The following ELN variants were observed in gnomAD, a reference collection of about 807,000 sequenced individuals.
The protein encoded by ELN is elastin.
A neutral mutation model predicts 105.8 loss-of-function variants in ELN; 65 were observed. That is an observed-to-expected ratio of 0.61 (90% confidence interval 0.50 to 0.75). The LOEUF (loss-of-function observed/expected upper bound fraction) is 0.75. Among genes scored for constraint, ELN ranks in the 30% least tolerant of loss-of-function variants. The pLI is 0.00. For missense variants in ELN, 882 were observed against 969.4 expected (o/e 0.91, Z 1.20); for synonymous variants, 368 against 389.2 (o/e 0.95, Z 0.64).
At chr7:74,051,421 G>GGA (rs1463547783) in intron 15 of ELN, among the ~76,000 whole-genome samples, 1 of 152,242 alleles carries the variant, frequency 6.6e-6, no homozygotes, top group African/African-American at 2.4e-5. Flanking sequence ...CGGAACACAG[G>GGA]GAGAGGAAGT....
intron 22 of ELN, among the ~76,000 whole-genome samples, chr7:74,058,278 T>C (rs990845038): frequency 3.4e-3 from 38 of 11,052 alleles, no homozygotes; most frequent in African/African-American, 0.02. Flanking sequence ...CTTCTTCTTC[T>C]TCCTCTGCTT....
At chr7:74,050,495 A>G (rs1793790072) in intron 15 of ELN, among the ~76,000 whole-genome samples, 1 of 150,700 alleles carries the variant, frequency 6.6e-6, no homozygotes, top group Admixed American at 6.6e-5. Flanking sequence ...TCTTCCGTGC[A>G]TCCCTCCATC....
At position 74,053,231 on chromosome 7, in the gene ELN, G is replaced by A. The variant is rs1794489813; in HGVS notation, c.1018G>A (p.Gly340Ser). The change falls in exon 18 of 33, where the codon GGC becomes AGC. Residue 340 changes from glycine (G) to serine (S), a missense_variant. Transcript: ENST00000252034. ...GGGAGTAGTTGGTGTCCCAGGAGCT[G>A]GCGTTCCAGGTGTTGGTGTCCCAGG... ...GPGVVGVPGAGVPGVGVPGAG... is the reference protein window; with the variant it reads ...GPGVVGVPGASVPGVGVPGAG... 1.2e-6 allele frequency: 2 copies of A among 1,614,144 alleles called. No individual in the cohort carries two copies. The highest frequency in any genetic ancestry group is 1.6e-4 in the Middle Eastern group (1 of 6,062).
chr7:74,033,711 G>A (rs1404201949), intron 1 of ELN, among the ~76,000 whole-genome samples: 5 of 152,222 alleles, frequency 3.3e-5, no homozygotes, highest in African/African-American at 4.8e-5. Context: ...AAGCCCAGCT[G>A]TGCAGCGTCG....
chr7:74,050,186 T>TATCC (rs202068243), intron 15 of ELN, among the ~76,000 whole-genome samples: 8 of 114,754 alleles, frequency 7.0e-5, no homozygotes, highest in Middle Eastern at 8.2e-3. Context: ...CTCACCCATC[T>TATCC]ATCCATCCAT....
In ELN at chr7:74,060,427, G is replaced by A. The variant is rs1554683543; in HGVS notation, c.1673G>A (p.Gly558Asp). Residue 558 changes from glycine to aspartate, a missense_variant, in exon 25 of 33, where the codon GGC (glycine) becomes GAC (aspartate). Coordinates refer to ENST00000252034, the MANE Select transcript of ELN (RefSeq NM_000501.4). ...AGIPGLGVGV[G>D]VPGLGVGAGV... ...ATCCCTGGACTTGGAGTTGGTGTCG[G>A]CGTCCCTGGACTTGGAGTTGGTGCT... 6.2e-7 allele frequency: 1 copy of A among 1,614,182 alleles called. No individual in the cohort carries two copies. The highest frequency in any genetic ancestry group is 8.5e-7 in the Non-Finnish European group (1 of 1,180,020).
chr7:74,063,077 G>A lies in ELN; in HGVS notation c.1787-76G>A. The A allele has an allele frequency of 1.3e-6, 2 of 1,532,178 alleles. No homozygotes were observed. The highest frequency in any genetic ancestry group is 1.2e-5 in the South Asian group (1 of 83,324). The allele number at this position is 1,532,178 out of a possible 1,614,324, so 94.9% of individuals were successfully genotyped here. A position where few individuals can be genotyped will look rare whatever the true frequency, so the allele number is the denominator to read the frequency against. ...GTCACATGGCCCCTGCCACCTGTCT[G>A]CTTGCCTTGTGTCCCTGGGGCAGGG... On this transcript the variant is annotated intron_variant, in intron 26 of 32. Coordinates refer to ENST00000252034, the MANE Select transcript of ELN (RefSeq NM_000501.4). The surrounding 1 kb of genome is among the most constrained non-coding windows in gnomAD (Gnocchi z 4.1).
At chr7:74,042,814 A>G (rs1165072746) in intron 6 of ELN, 108 bp downstream of exon 6, 3 of 1,536,202 alleles carry the variant, frequency 2.0e-6, no homozygotes, top group Non-Finnish European at 2.7e-6. Context: ...GGTGGGTGGG[A>G]TTGTCAGTTG....
At position 74,061,107 on chromosome 7, in the gene ELN, G is replaced by T; in HGVS notation, c.1754G>T (p.Gly585Val). 6.2e-7 allele frequency: 1 copy of T among 1,614,142 alleles called. No individual in the cohort carries two copies. Among genetic ancestry groups the T allele is most frequent in the Non-Finnish European group, 8.5e-7 (1 of 1,180,044 alleles). The change falls in exon 26 of 33, where the codon GGA becomes GTA. Residue 585 changes from glycine to valine, a missense_variant. Transcript: ENST00000252034. ...AGVPGFGAVPGALAAAKAAKY... is the reference protein window; with the variant it reads ...AGVPGFGAVPVALAAAKAAKY... ...AACTTTTCTTTCTCCCCAGTACCTG[G>T]AGCCCTGGCTGCCGCTAAAGCAGCC...
intron 19 of ELN, among the ~76,000 whole-genome samples, chr7:74,055,002 A>G (rs998053105): frequency 6.6e-5 from 10 of 152,238 alleles, no homozygotes; most frequent in African/African-American, 9.6e-5. Context: ...AGTGACCCTG[A>G]GCTTCCCTGC....
At position 74,046,801 on chromosome 7, in the gene ELN, C is replaced by T. The variant is rs199917779; in HGVS notation, c.643+34C>T. On this transcript the variant is annotated intron_variant, in intron 12 of 32. Coordinates refer to ENST00000252034, the MANE Select transcript of ELN (RefSeq NM_000501.4). ...GAGGGACGGTTCAAGATGCACCACTCGGCCGGGTGTGGTGGTTCACACCTG... is the reference window on the plus strand; with the variant it reads ...GAGGGACGGTTCAAGATGCACCACTTGGCCGGGTGTGGTGGTTCACACCTG... 7.0e-5 allele frequency: 113 copies of T among 1,611,932 alleles called. 2 individuals are homozygous for T. The African/African-American group carries it at 1.1e-3, about 16-fold the overall frequency.
intron 32 of ELN, among the ~76,000 whole-genome samples, chr7:74,067,775 A>AC (rs1554690077): frequency 6.6e-6 from 1 of 150,966 alleles, no homozygotes. Context: ...AAAAAAAAAA[A>AC]AAATTAGCCA....
intron 29 of ELN, among the ~76,000 whole-genome samples, chr7:74,064,670 C>T (rs1319768577): frequency 6.6e-6 from 1 of 152,122 alleles, no homozygotes; most frequent in Non-Finnish European, 1.5e-5. Context: ...TATCCCTTGC[C>T]GCCAGGGTCC....
At chr7:74,028,662 C>A (rs1554660406) in intron 1 of ELN, among the ~76,000 whole-genome samples, 1 of 152,184 alleles carries the variant, frequency 6.6e-6, no homozygotes, top group Non-Finnish European at 1.5e-5. Context: ...GGGGTGCACA[C>A]CAGCCCTGGG....
At chr7:74,028,357 C>A in intron 1 of ELN, 88 bp downstream of exon 1, 1 of 1,459,042 alleles carries the variant, frequency 6.9e-7, no homozygotes. Context: ...GGGAGACCTT[C>A]GTCCCTGGGA....
rs374813147 is a variant in ELN at position 74,063,640 on chromosome 7, G to GCTCGGAGGA, written c.1946_1954dup (p.Gly649_Gly651dup). Reference sequence around the variant, plus strand: ...CCACAGGCCTAGTGGGAGCCGCTGGGCTCGGAGGACTCGGAGTCGGAGGGC... The same window carrying GCTCGGAGGA: ...CCACAGGCCTAGTGGGAGCCGCTGGGCTCGGAGGACTCGGAGGACTCGGAGTCGGAGGGC... On this transcript the variant is annotated inframe_insertion, in exon 29 of 33. Transcript: ENST00000252034. This position sits in a 1 kb window ranked among gnomAD's most constrained non-coding sequence, Gnocchi z 4.1. 1.0e-4 allele frequency: 161 copies of GCTCGGAGGA among 1,614,188 alleles called. No homozygotes were observed. In the African/African-American group the frequency reaches 1.4e-3, roughly 14 times the overall value.
chr7:74,066,103 C>A, intron 31 of ELN, 106 bp downstream of exon 31: 2 of 1,529,434 alleles, frequency 1.3e-6, no homozygotes, highest in South Asian at 1.1e-5. Flanking sequence ...CACACAAGGA[C>A]AGGAGACTGG....
At position 74,063,582 on chromosome 7, in the gene ELN, T is replaced by G. The variant is rs1797207128; in HGVS notation, c.1919-39T>G. ...ACAGGCCGAGGCTTCAGTCCCACCT[T>G]TCTGACCAGCGGAGTCTAATGCTCA... On this transcript the variant is annotated intron_variant, in intron 28 of 32. Coordinates refer to ENST00000252034, the MANE Select transcript of ELN (RefSeq NM_000501.4). This position sits in a 1 kb window ranked among gnomAD's most constrained non-coding sequence, Gnocchi z 4.1. The G allele has an allele frequency of 1.2e-6, 2 of 1,614,076 alleles. No individual in the cohort carries two copies. The highest frequency in any genetic ancestry group is 4.5e-5 in the East Asian group (2 of 44,874).
intron 12 of ELN, 37 bp from the exon 13 acceptor site, chr7:74,047,638 T>G (rs782678295): frequency 6.2e-7 from 1 of 1,613,910 alleles, no homozygotes; most frequent in Non-Finnish European, 8.5e-7. Context: ...CAGCAAGGCA[T>G]GGGGCAGCCC....
Sources: allele counts gnomAD v4.1 joint callset (sites outside exome capture counted in the v4.1 genomes callset), GRCh38; gene constraint gnomAD v4.1.1; non-coding constraint Gnocchi (gnomAD v3.1); transcripts MANE v1.5; gene names NCBI Gene and HGNC (gene_info 2026-07-23, HGNC 2026-07-21).